The following LYRM4 variants were observed in gnomAD, a reference collection of about 807,000 sequenced individuals.
LYRM4 encodes the protein LYR motif containing 4.
LYRM4 carries 9 observed loss-of-function variants against 11.7 expected under a neutral mutation model. The observed-to-expected ratio is 0.77, with a 90% CI of 0.46 to 1.34. The LOEUF (loss-of-function observed/expected upper bound fraction) is 1.34, where lower values mean the gene tolerates loss of function less well. Among genes scored for constraint, LYRM4 ranks in the 40% most tolerant of loss-of-function variants. The pLI, the probability that LYRM4 is intolerant of heterozygous loss-of-function variation, is 0.00. For synonymous variants in LYRM4, 42 were observed against 40.4 expected, an observed-to-expected ratio of 1.04 and a Z score of -0.15; for missense variants, 133 against 112.5, an observed-to-expected ratio of 1.18 and a Z score of -0.82.
chr6:5,121,467 T>C (rs1763454809), intron 2 of LYRM4, among the ~76,000 whole-genome samples: 1 of 152,012 alleles, frequency 6.6e-6, no homozygotes, highest in Non-Finnish European at 1.5e-5. Flanking sequence ...GAAGGCCACA[T>C]GGGAAGAGTG....
intron 2 of LYRM4, among the ~76,000 whole-genome samples, chr6:5,181,003 C>A (rs561875565): frequency 1.8e-4 from 28 of 152,190 alleles, no homozygotes; most frequent in Non-Finnish European, 3.5e-4. Flanking sequence ...ACATCTTAAT[C>A]CTACAATGCA....
chr6:5,092,556 G>GC, the LYRM4 span, among the ~76,000 whole-genome samples: 1 of 147,636 alleles, frequency 6.8e-6, no homozygotes, highest in Non-Finnish European at 1.5e-5. Flanking sequence ...CTAAAAATAT[G>GC]AAAAAAAAAA....
the LYRM4 span, among the ~76,000 whole-genome samples, chr6:5,068,320 A>G: frequency 1.3e-5 from 2 of 152,212 alleles, no homozygotes; most frequent in African/African-American, 4.8e-5. This position sits in a 1 kb window ranked among gnomAD's most constrained non-coding sequence, Gnocchi z 4.0. Context: ...AGCCAGCCAG[A>G]CACAGTCAGG....
At chr6:5,165,892 CT>C (rs1216670896) in intron 2 of LYRM4, among the ~76,000 whole-genome samples, 1 of 152,124 alleles carries the variant, frequency 6.6e-6, no homozygotes, top group Non-Finnish European at 1.5e-5. Context: ...AAATATGGTA[CT>C]GTGATTGAGC....
chr6:5,176,519 G>C (rs1184467907), intron 2 of LYRM4, among the ~76,000 whole-genome samples: 2 of 152,164 alleles, frequency 1.3e-5, no homozygotes. Flanking sequence ...TAATCAAATT[G>C]AGTACTCACC....
At chr6:5,257,149 T>G (rs974029856) in intron 1 of LYRM4, among the ~76,000 whole-genome samples, 2 of 152,272 alleles carry the variant, frequency 1.3e-5, no homozygotes, top group Middle Eastern at 3.4e-3. Flanking sequence ...CATGTCAGGT[T>G]AGTGGCTGCC....
the LYRM4 span, among the ~76,000 whole-genome samples, chr6:5,096,695 C>T: frequency 2.0e-5 from 3 of 152,164 alleles, no homozygotes; most frequent in African/African-American, 7.2e-5. Flanking sequence ...AGTTTTCATG[C>T]TTGCAAAATA....
Position 5,229,747 on chromosome 6 carries a change from G to A in LYRM4, c.87-13009C>T, listed in dbSNP as rs141148309. Among the ~76,000 whole-genome samples, 409 of 152,286 alleles carry A rather than the reference G, an allele frequency of 2.7e-3. 2 individuals carry two copies. The highest frequency in any genetic ancestry group is 8.8e-3 in the African/African-American group (366 of 41,550). ...ATATGACAGTTTCATATATCTGCAG[G>A]TTTTAAGAAAGGTTCTATGGGGTCT... is the stretch of plus-strand genomic sequence containing the variant. On this transcript the variant is annotated intron_variant, in intron 1 of 2. Transcript: ENST00000330636.
chr6:5,218,147 T>A, intron 1 of LYRM4: 3 of 698,486 alleles, frequency 4.3e-6, no homozygotes, highest in Non-Finnish European at 5.3e-6. Flanking sequence ...GCTCAAGCTA[T>A]CCTCCTGCCT....
chr6:5,248,365 C>T (rs943890598), intron 1 of LYRM4, among the ~76,000 whole-genome samples: 14 of 152,190 alleles, frequency 9.2e-5, no homozygotes, highest in South Asian at 6.2e-4. Context: ...ATGTCTTCCG[C>T]GTCTTTTCTA....
the LYRM4 span, among the ~76,000 whole-genome samples, chr6:5,058,279 C>T: frequency 1.3e-5 from 2 of 152,206 alleles, no homozygotes; most frequent in South Asian, 4.1e-4. Flanking sequence ...GAAACCAAGC[C>T]TTGCACAGTG....
At chr6:5,195,258 T>A (rs2127696980) in intron 2 of LYRM4, among the ~76,000 whole-genome samples, 1 of 152,254 alleles carries the variant, frequency 6.6e-6, no homozygotes, top group Non-Finnish European at 1.5e-5. Flanking sequence ...GATGTTATTA[T>A]CATTGGTTGC....
chr6:5,187,011 G>T, intron 2 of LYRM4: 4 of 940,610 alleles, frequency 4.3e-6, no homozygotes, highest in Non-Finnish European at 5.1e-6. Context: ...GTCTATAAAA[G>T]AATAGTAAAT....
At chr6:5,188,042 A>G (rs1760522567) in intron 2 of LYRM4, among the ~76,000 whole-genome samples, 1 of 152,196 alleles carries the variant, frequency 6.6e-6, no homozygotes, top group Admixed American at 6.5e-5. Flanking sequence ...TTTTTTGTCT[A>G]AATTTCTAAT....
the LYRM4 span, among the ~76,000 whole-genome samples, chr6:5,048,877 C>T: frequency 6.6e-6 from 1 of 152,154 alleles, no homozygotes; most frequent in Non-Finnish European, 1.5e-5. Flanking sequence ...TTCCTCTGAG[C>T]TTGTGGGACT....
At chr6:5,127,336 C>T (rs374704049) in intron 2 of LYRM4, among the ~76,000 whole-genome samples, 1 of 152,042 alleles carries the variant, frequency 6.6e-6, no homozygotes, top group Non-Finnish European at 1.5e-5. Context: ...CCACCTGCCT[C>T]GGCCTCCCAA....
chr6:5,226,027 G>C (rs964235950), intron 1 of LYRM4, among the ~76,000 whole-genome samples: 9 of 152,176 alleles, frequency 5.9e-5, no homozygotes, highest in Non-Finnish European at 1.2e-4. Flanking sequence ...GAATGGATTT[G>C]TAAGGAGGTC....
chr6:5,118,094 A>ATATATATATATTT, intron 2 of LYRM4, among the ~76,000 whole-genome samples: 30 of 86,120 alleles, frequency 3.5e-4, no homozygotes, highest in East Asian at 6.2e-4. Flanking sequence ...ATATATATAT[A>ATATATATATATTT]TTTTTGTTTT....
At chr6:5,114,492 A>C (rs1763030944) in intron 2 of LYRM4, among the ~76,000 whole-genome samples, 1 of 152,198 alleles carries the variant, frequency 6.6e-6, no homozygotes, top group African/African-American at 2.4e-5. Flanking sequence ...GGTGCAGAGA[A>C]GGGGGTGATC....
Sources: allele counts gnomAD v4.1 joint callset (sites outside exome capture counted in the v4.1 genomes callset), GRCh38; gene constraint gnomAD v4.1.1; non-coding constraint Gnocchi (gnomAD v3.1); transcripts MANE v1.5; gene names NCBI Gene and HGNC (gene_info 2026-07-23, HGNC 2026-07-21).